Variants in ETV1 observed in about 807,000 individuals in gnomAD.
ETV1 encodes ETS variant transcription factor 1.
In ETV1, 27 loss-of-function variants were observed where a neutral mutation model predicts 62.3. The ratio of observed to expected loss-of-function variants is 0.43; its 90% CI spans 0.32 to 0.60. The LOEUF (loss-of-function observed/expected upper bound fraction) is 0.60. Among genes scored for constraint, ETV1 ranks in the 20% least tolerant of loss-of-function variants. The pLI is 0.06. For synonymous variants in ETV1, 222 were observed against 199.6 expected (o/e 1.11, Z -0.94); for missense variants, 605 against 605.8 (o/e 1.00, Z 0.01).
At chr7:13,950,823 C>T (rs1788719273) in intron 6 of ETV1, among the ~76,000 whole-genome samples, 1 of 150,458 alleles carries the variant, frequency 6.6e-6, no homozygotes, top group Admixed American at 6.6e-5. Context: ...TTGCAAATAA[C>T]CAATTAACTG....
intron 9 of ETV1, among the ~76,000 whole-genome samples, chr7:13,913,923 C>T (rs748935082): frequency 1.7e-4 from 21 of 121,462 alleles, no homozygotes; most frequent in African/African-American, 6.6e-4. Context: ...CTCGCTCTGT[C>T]GCCCAGGCTG....
intron 9 of ETV1, among the ~76,000 whole-genome samples, chr7:13,923,079 T>C (rs73274882): frequency 1.4e-3 from 208 of 152,330 alleles, no homozygotes; most frequent in African/African-American, 4.7e-3. Flanking sequence ...CTGAATGTTG[T>C]TATTTTTTTC....
At chr7:13,940,390 GAA>G (rs566547820) in intron 6 of ETV1, among the ~76,000 whole-genome samples, 1 of 123,960 alleles carries the variant, frequency 8.1e-6, no homozygotes, top group Non-Finnish European at 1.8e-5. Context: ...AGAAAAAAAA[GAA>G]AAAAAAAGCT....
chr7:13,971,828 C>T (rs931697083), intron 6 of ETV1, among the ~76,000 whole-genome samples: 6 of 151,934 alleles, frequency 3.9e-5, no homozygotes, highest in African/African-American at 1.4e-4. Flanking sequence ...AATGATATAA[C>T]GGCCAGGCAC....
At chr7:13,913,061 T>C (rs1311436889) in intron 9 of ETV1, among the ~76,000 whole-genome samples, 1 of 152,182 alleles carries the variant, frequency 6.6e-6, no homozygotes, top group African/African-American at 2.4e-5. Context: ...ACCAATGAAG[T>C]TTGGCATTAC....
At chr7:13,899,800 G>A (rs1022670654) in intron 13 of ETV1, among the ~76,000 whole-genome samples, 4 of 152,150 alleles carry the variant, frequency 2.6e-5, no homozygotes, top group East Asian at 1.9e-4. Flanking sequence ...TTTATTTTAA[G>A]TGTAATTCAC....
At position 13,962,874 on chromosome 7, in the gene ETV1, C is replaced by G. The variant is rs1044408111; in HGVS notation, c.235+14553G>C. 3.3e-5 allele frequency among the ~76,000 whole-genome samples: 5 copies of G among 152,214 alleles called. No homozygotes were observed. The East Asian group carries it at 7.7e-4, about 23-fold the overall frequency. The stretch of plus-strand genomic sequence containing the variant: ...TCCATTTTTCTTTTATTGTATTACA[C>G]AAGCATACGAATATATATATGTATA... On this transcript the variant is annotated intron_variant, in intron 6 of 13. Transcript: ENST00000430479.
intron 6 of ETV1, among the ~76,000 whole-genome samples, chr7:13,975,962 C>A (rs1381140031): frequency 1.3e-5 from 2 of 152,134 alleles, no homozygotes; most frequent in East Asian, 3.9e-4. Flanking sequence ...TTCAATTGCC[C>A]ATAGGAAGGG....
rs990767858 is a variant in ETV1 at position 13,891,734 on chromosome 7, C to G, written c.*4132G>C. The stretch of plus-strand genomic sequence containing the variant: ...ATTTTTCCAATTCTTAGTAGAATTG[C>G]TTAATATGTACATTTGCCTTCTTTA... On this transcript the variant is annotated 3_prime_UTR_variant, in exon 14 of 14. Coordinates refer to ENST00000430479, the MANE Select transcript of ETV1 (RefSeq NM_004956.5). 5.6e-5 allele frequency: 13 copies of G among 231,936 alleles called. No homozygotes were observed. Among genetic ancestry groups the G allele is most frequent in the Admixed American group, 4.5e-4 (8 of 17,744 alleles). 14.4% of individuals were successfully genotyped at this position (231,936 alleles called of 1,614,324 possible).
At chr7:13,988,751 C>G (rs1782798532) in intron 3 of ETV1, 1 of 1,612,700 alleles carries the variant, frequency 6.2e-7, no homozygotes, top group African/African-American at 1.3e-5. Flanking sequence ...TGCCCTCCAT[C>G]TCCTCTTCCA....
chr7:13,937,139 A>C lies in ETV1; in HGVS notation c.366-1243T>G, dbSNP rs147429106. 1.4e-4 allele frequency among the ~76,000 whole-genome samples: 21 copies of C among 152,340 alleles called. No homozygotes were observed. The East Asian group carries it at 3.9e-3, about 28-fold the overall frequency. ...TTTGAATTAAATTATGTAATAATTT[A>C]TTCTGTTGCTCCATCAATGCAACGG... On this transcript the variant is annotated intron_variant, in intron 7 of 13. Coordinates refer to ENST00000430479, the MANE Select transcript of ETV1 (RefSeq NM_004956.5).
At chr7:13,914,476 T>C (rs1176797472) in intron 9 of ETV1, among the ~76,000 whole-genome samples, 3 of 152,036 alleles carry the variant, frequency 2.0e-5, no homozygotes, top group Non-Finnish European at 4.4e-5. Context: ...CAAAGCCCTG[T>C]TGTCATTTTA....
intron 6 of ETV1, among the ~76,000 whole-genome samples, chr7:13,974,428 T>C (rs73679057): frequency 0.01 from 1,599 of 152,320 alleles, 23 homozygotes; most frequent in African/African-American, 0.036. Context: ...AATAGGACTC[T>C]GTCCTGCAGA....
chr7:13,926,688 T>C (rs1275824103), intron 9 of ETV1, among the ~76,000 whole-genome samples: 4 of 152,176 alleles, frequency 2.6e-5, no homozygotes, highest in Non-Finnish European at 4.4e-5. Context: ...TTATGCAGCA[T>C]AATAGGCTAG....
chr7:13,926,755 G>T (rs1456252214), intron 9 of ETV1, among the ~76,000 whole-genome samples: 2 of 152,250 alleles, frequency 1.3e-5, no homozygotes, highest in East Asian at 3.9e-4. Flanking sequence ...TTAGAACCTA[G>T]TATCATGATA....
At chr7:13,937,330 G>C (rs1316284547) in intron 7 of ETV1, among the ~76,000 whole-genome samples, 1 of 152,118 alleles carries the variant, frequency 6.6e-6, no homozygotes, top group Non-Finnish European at 1.5e-5. Flanking sequence ...CACTTCTTTT[G>C]TGAAATGGTT....
intron 6 of ETV1, among the ~76,000 whole-genome samples, chr7:13,942,221 C>A (rs1023628868): frequency 6.6e-6 from 1 of 151,982 alleles, no homozygotes; most frequent in Non-Finnish European, 1.5e-5. Context: ...GACGGGGTTT[C>A]ATCGTGTTAG....
chr7:13,984,271 A>T (rs1171841895), intron 5 of ETV1, among the ~76,000 whole-genome samples: 2 of 151,996 alleles, frequency 1.3e-5, no homozygotes, highest in Non-Finnish European at 2.9e-5. Flanking sequence ...ATGGAGCATT[A>T]TGAAAAGAAA....
At chr7:13,962,850 C>T (rs1790349301) in intron 6 of ETV1, among the ~76,000 whole-genome samples, 1 of 152,070 alleles carries the variant, frequency 6.6e-6, no homozygotes, top group African/African-American at 2.4e-5. Flanking sequence ...GATAAATTTT[C>T]CATTTTTCTT....
Sources: gnomAD v4.1 joint callset for allele counts (sites outside exome capture counted in the v4.1 genomes callset) on GRCh38, gnomAD v4.1.1 for gene constraint, MANE v1.5 for transcripts, NCBI Gene and HGNC (gene_info 2026-07-23, HGNC 2026-07-21) for gene names.